DNAH14: variants seen among roughly 807,000 people sequenced by gnomAD.
DNAH14 encodes axonemal beta dynein heavy chain 14.
A neutral mutation model predicts 520.9 loss-of-function variants in DNAH14; 478 were observed. That is an observed-to-expected ratio of 0.92 (90% CI 0.85 to 0.99). DNAH14 has a LOEUF of 0.99. Among genes scored for constraint, DNAH14 ranks in the 50% least tolerant of loss-of-function variants. The pLI is 0.00. For missense variants in DNAH14, 4,831 were observed against 5,234.5 expected (o/e 0.92, Z 2.38); for synonymous variants, 1,581 against 1,757.2 (o/e 0.90, Z 2.51).
chr1:225,206,882 G>T (rs2087638844), intron 40 of DNAH14, 86 bp from the exon 41 acceptor site: 1 of 1,169,806 alleles, frequency 8.5e-7, no homozygotes, highest in South Asian at 2.1e-5. Flanking sequence ...AGAGGGCAGT[G>T]GTGAAGTAAA....
At chr1:225,214,064 T>C (rs1294586890) in intron 41 of DNAH14, among the ~76,000 whole-genome samples, 1 of 152,202 alleles carries the variant, frequency 6.6e-6, no homozygotes. Flanking sequence ...TAACTCTTAT[T>C]ATTTTGAGAT....
chr1:225,394,714 C>T (rs181617638), intron 84 of DNAH14, among the ~76,000 whole-genome samples: 219 of 152,018 alleles, frequency 1.4e-3, no homozygotes, highest in African/African-American at 3.1e-3. Flanking sequence ...TTGGGTGGTG[C>T]GCATGTGTAA....
At chr1:225,062,066 AGGCGGATGGAAT>A (rs139147666) in intron 17 of DNAH14, among the ~76,000 whole-genome samples, 112,922 of 149,824 alleles carry the variant, frequency 0.75, 44,608 homozygotes, top group Non-Finnish European at 0.9. Flanking sequence ...TGGGAGGCCG[AGGCGGATGGAAT>A]GCTTGAGCTG....
chr1:224,960,390 C>G, intron 4 of DNAH14, 88 bp downstream of exon 4: 1 of 1,318,622 alleles, frequency 7.6e-7, no homozygotes, highest in Non-Finnish European at 9.9e-7. Context: ...TGGACACTGA[C>G]TTTAGAAAAA....
chr1:224,953,481 AG>A (rs1404122493), intron 2 of DNAH14, among the ~76,000 whole-genome samples: 1 of 152,214 alleles, frequency 6.6e-6, no homozygotes, highest in Non-Finnish European at 1.5e-5. Context: ...AGAAGAGCAA[AG>A]GGCCAAGAAT....
chr1:225,257,919 T>C, intron 44 of DNAH14, 41 bp from the exon 45 acceptor site: 1 of 1,450,678 alleles, frequency 6.9e-7, no homozygotes, highest in Non-Finnish European at 9.3e-7. Flanking sequence ...TGAATAGTAC[T>C]TTCTAGGTCA....
At chr1:225,165,548 GT>G (rs548760377) in intron 35 of DNAH14, among the ~76,000 whole-genome samples, 7,061 of 141,510 alleles carry the variant, frequency 0.05, 490 homozygotes, top group African/African-American at 0.16. Context: ...TATAGATTTT[GT>G]TTTTTTTTTT....
At chr1:225,213,041 G>T (rs76318857) in intron 41 of DNAH14, among the ~76,000 whole-genome samples, 7 of 151,918 alleles carry the variant, frequency 4.6e-5, no homozygotes, top group East Asian at 3.9e-4. Flanking sequence ...TATGGTTTTA[G>T]GTCTAACATT....
At chr1:225,167,196 T>C (rs1221163539) in intron 35 of DNAH14, among the ~76,000 whole-genome samples, 5 of 152,318 alleles carry the variant, frequency 3.3e-5, no homozygotes, top group South Asian at 4.1e-4. Flanking sequence ...TTTTTCTCCA[T>C]TGTACAGTCC....
chr1:225,196,399 T>A (rs2086137937), intron 38 of DNAH14, among the ~76,000 whole-genome samples: 1 of 152,212 alleles, frequency 6.6e-6, no homozygotes, highest in African/African-American at 2.4e-5. Context: ...TACAACAGTT[T>A]CATTATCCAC....
At chr1:225,250,540 G>A in intron 43 of DNAH14, 1 of 426,846 alleles carries the variant, frequency 2.3e-6, no homozygotes, top group Non-Finnish European at 4.3e-6. Flanking sequence ...ATTCCCTTGG[G>A]TGAGGTATGG....
At chr1:225,190,826 T>C (rs1268107827) in intron 37 of DNAH14, among the ~76,000 whole-genome samples, 7 of 151,798 alleles carry the variant, frequency 4.6e-5, no homozygotes, top group Non-Finnish European at 1.0e-4. Context: ...CTCTTCAGAG[T>C]AAAAGAGAAA....
Position 225,302,081 on chromosome 1 carries a change from T to C in DNAH14, c.8631+1051T>C, listed in dbSNP as rs532337625. 1.5e-3 allele frequency among the ~76,000 whole-genome samples: 223 copies of C among 148,180 alleles called. 2 individuals are homozygous for C. The highest frequency in any genetic ancestry group is 5.2e-3 in the African/African-American group (210 of 40,728). Reference sequence around the variant, plus strand: ...ACCAAGAATCTCAGTTAGAAGTCAATTTAATTGTATATATTATATATGTTT... The same window carrying C: ...ACCAAGAATCTCAGTTAGAAGTCAACTTAATTGTATATATTATATATGTTT... On this transcript the variant is annotated intron_variant, in intron 56 of 85. Coordinates refer to ENST00000682510, the MANE Select transcript of DNAH14 (RefSeq NM_001367479.1).
intron 8 of DNAH14, among the ~76,000 whole-genome samples, chr1:224,992,625 T>G (rs2063134876): frequency 6.6e-6 from 1 of 152,106 alleles, no homozygotes; most frequent in African/African-American, 2.4e-5. Flanking sequence ...AATCTTTAGG[T>G]TTTTCCTTAA....
Position 225,304,929 on chromosome 1 carries a change from C to G in DNAH14, c.8845C>G (p.Pro2949Ala). 6.6e-7 allele frequency: 1 copy of G among 1,516,190 alleles called. No homozygotes were observed. Among genetic ancestry groups the G allele is most frequent in the South Asian group, 1.3e-5 (1 of 76,584 alleles). 93.9% of individuals were successfully genotyped at this position (1,516,190 alleles called of 1,614,324 possible). The change falls in exon 58 of 86, where the codon CCA becomes GCA. Residue 2949 changes from proline to alanine, a missense_variant. Pro to Ala is a conservative substitution (Grantham distance 27). Coordinates refer to ENST00000682510, the MANE Select transcript of DNAH14 (RefSeq NM_001367479.1). The stretch of plus-strand genomic sequence containing the variant: ...TCAGAACTTGAAAGAAAAACTTGCC[C>G]CAACATGTGTCCAAATCCACAAAAG... ...NRENLKEKLA[P>A]TCVQIHKSMK...
At chr1:225,036,481 G>A (rs1572616411) in intron 11 of DNAH14, among the ~76,000 whole-genome samples, 1 of 152,064 alleles carries the variant, frequency 6.6e-6, no homozygotes, top group Non-Finnish European at 1.5e-5. Flanking sequence ...TTTATTAGAG[G>A]TTTGGACTGC....
chr1:225,167,341 T>C (rs1432974881), intron 35 of DNAH14, among the ~76,000 whole-genome samples: 1 of 152,240 alleles, frequency 6.6e-6, no homozygotes, highest in Non-Finnish European at 1.5e-5. Flanking sequence ...ACCAATTCTA[T>C]CTACAGTGAA....
chr1:225,289,829 C>T (rs1045655057), intron 54 of DNAH14, 56 bp from the exon 55 acceptor site: 28 of 1,172,604 alleles, frequency 2.4e-5, no homozygotes, highest in Middle Eastern at 2.5e-4. Context: ...GAAAACTATA[C>T]GTTGAAAGAT....
At chr1:224,999,238 C>T (rs1373089537) in intron 8 of DNAH14, among the ~76,000 whole-genome samples, 1 of 152,018 alleles carries the variant, frequency 6.6e-6, no homozygotes, top group Admixed American at 6.6e-5. Flanking sequence ...TGGAATTTCA[C>T]TCTTGTTGCC....
Sources: allele counts gnomAD v4.1 joint callset (sites outside exome capture counted in the v4.1 genomes callset), GRCh38; gene constraint gnomAD v4.1.1; transcripts MANE v1.5; gene names NCBI Gene and HGNC (gene_info 2026-07-23, HGNC 2026-07-21).